Variants in PPARGC1B observed in about 807,000 individuals in gnomAD.
PPARGC1B encodes peroxisome proliferator-activated receptor gamma coactivator 1-beta.
In PPARGC1B, 34 loss-of-function variants were observed where a neutral mutation model predicts 101.6. The observed-to-expected ratio is 0.33, with a 90% confidence interval of 0.25 to 0.45. The LOEUF (loss-of-function observed/expected upper bound fraction) is 0.45, where lower values mean the gene tolerates loss of function less well. Among genes scored for constraint, PPARGC1B ranks in the 20% least tolerant of loss-of-function variants. PPARGC1B has a pLI of 1.00. For missense variants in PPARGC1B, 1,234 were observed against 1,317.6 expected, an observed-to-expected ratio of 0.94 and a Z score of 0.98; for synonymous variants, 548 against 539.3, an observed-to-expected ratio of 1.02 and a Z score of -0.22.
intron 10 of PPARGC1B, among the ~76,000 whole-genome samples, chr5:149,844,113 A>C (rs1419264782): frequency 1.3e-5 from 2 of 152,246 alleles, no homozygotes; most frequent in Non-Finnish European, 2.9e-5. Context: ...GTATGCTTAA[A>C]AATGGCAAAG....
Position 149,832,667 on chromosome 5 carries a change from C to G in PPARGC1B, c.594C>G (p.Thr198=). The change falls in exon 5 of 12, where the codon ACC becomes ACG. Residue 198 remains threonine, a synonymous_variant. Transcript: ENST00000309241. This position sits in a 1 kb window ranked among gnomAD's most constrained non-coding sequence, Gnocchi z 4.9. The part of the protein sequence containing the change: ...SQRPCVKADS[T]QDKKAPMMQS... ...CTCTCCCTCTCTAGGCGGACAGCAC[C>G]CAAGACAAGAAGGCTCCCATGATGC... 6.5e-7 allele frequency: 1 copy of G among 1,542,558 alleles called. No homozygotes were observed.
intron 1 of PPARGC1B, among the ~76,000 whole-genome samples, chr5:149,806,865 G>A (rs371822644): frequency 5.4e-4 from 82 of 151,986 alleles, no homozygotes; most frequent in African/African-American, 1.6e-3. Flanking sequence ...CCCTGGCCTC[G>A]TAAAGTGCTG....
At chr5:149,823,529 C>CT (rs968949985) in intron 2 of PPARGC1B, among the ~76,000 whole-genome samples, 23 of 152,232 alleles carry the variant, frequency 1.5e-4, no homozygotes, top group African/African-American at 5.5e-4. Context: ...CTCAGGAAGA[C>CT]TGGGGGTGGG....
chr5:149,764,046 T>C (rs1218847751), intron 1 of PPARGC1B, among the ~76,000 whole-genome samples: 1 of 152,222 alleles, frequency 6.6e-6, no homozygotes, highest in Non-Finnish European at 1.5e-5. Flanking sequence ...ATGGACTCTC[T>C]TAATGTAAGA....
At chr5:149,732,400 C>G (rs1352494173) in intron 1 of PPARGC1B, among the ~76,000 whole-genome samples, 3 of 152,182 alleles carry the variant, frequency 2.0e-5, no homozygotes, top group Non-Finnish European at 2.9e-5. Flanking sequence ...AAGAACTGTC[C>G]GCTTTGGACT....
At chr5:149,809,313 GATA>G (rs1757736888) in intron 1 of PPARGC1B, among the ~76,000 whole-genome samples, 4 of 98,634 alleles carry the variant, frequency 4.1e-5, no homozygotes, top group African/African-American at 1.7e-4. Flanking sequence ...TAGATAGATA[GATA>G]GATAGATAGA....
chr5:149,736,354 T>G (rs1324729960), intron 1 of PPARGC1B, among the ~76,000 whole-genome samples: 1 of 151,748 alleles, frequency 6.6e-6, no homozygotes, highest in Admixed American at 6.6e-5. Flanking sequence ...GAGCTAATTT[T>G]CATGCATGCA....
At chr5:149,732,956 G>A in intron 1 of PPARGC1B, 1 of 256,048 alleles carries the variant, frequency 3.9e-6, no homozygotes, top group South Asian at 3.3e-5. Context: ...AACTCTCCGA[G>A]CCTCATTTCC....
chr5:149,759,587 A>G (rs1314502102), intron 1 of PPARGC1B, among the ~76,000 whole-genome samples: 1 of 152,214 alleles, frequency 6.6e-6, no homozygotes, highest in Non-Finnish European at 1.5e-5. Context: ...GGACTTGGGC[A>G]GCATACAAAT....
intron 1 of PPARGC1B, among the ~76,000 whole-genome samples, chr5:149,801,887 C>T (rs1239321684): frequency 6.6e-6 from 1 of 152,178 alleles, no homozygotes; most frequent in African/African-American, 2.4e-5. Flanking sequence ...GTAGTAATCT[C>T]ACTGATGGCC....
In PPARGC1B at chr5:149,826,804, G is replaced by C; in HGVS notation, c.384G>C (p.Ser128=). ...ACGCTCTATCATGCACCTCAGCTTC[G>C]CCTGCCCCCTCATCTGCACCCCCCA... The part of the protein sequence containing the change: ...GGDALSCTSA[S]PAPSSAPPSP... Residue 128 remains serine, a synonymous_variant, in exon 3 of 12, where the codon TCG becomes TCC. Transcript: ENST00000309241. The C allele has an allele frequency of 6.2e-7, 1 of 1,613,930 alleles. No individual in the cohort carries two copies. Among genetic ancestry groups the C allele is most frequent in the Non-Finnish European group, 8.5e-7 (1 of 1,179,896 alleles).
chr5:149,744,950 C>T (rs1269790477), intron 1 of PPARGC1B, among the ~76,000 whole-genome samples: 1 of 150,064 alleles, frequency 6.7e-6, no homozygotes, highest in Admixed American at 6.6e-5. Context: ...GCTCTGTTGC[C>T]CAAGCTGGTG....
downstream of PPARGC1B, among the ~76,000 whole-genome samples, chr5:149,856,240 G>T (rs1398414186): frequency 2.0e-5 from 3 of 152,124 alleles, no homozygotes; most frequent in Non-Finnish European, 2.9e-5. Flanking sequence ...CCTTGTTCAG[G>T]TGATTTATTT....
At chr5:149,736,363 C>T (rs1012583374) in intron 1 of PPARGC1B, among the ~76,000 whole-genome samples, 5 of 149,780 alleles carry the variant, frequency 3.3e-5, no homozygotes, top group Non-Finnish European at 7.4e-5. Context: ...TTCATGCATG[C>T]AATCTTTTTT....
chr5:149,744,286 G>C (rs1224559762), intron 1 of PPARGC1B, among the ~76,000 whole-genome samples: 1 of 152,176 alleles, frequency 6.6e-6, no homozygotes, highest in Non-Finnish European at 1.5e-5. Flanking sequence ...GTCAAGCAAG[G>C]CCTCATGATA....
At chr5:149,802,740 G>A (rs535254374) in intron 1 of PPARGC1B, among the ~76,000 whole-genome samples, 1 of 152,012 alleles carries the variant, frequency 6.6e-6, no homozygotes, top group South Asian at 2.1e-4. Context: ...ACATGATAAG[G>A]ATCTGACTCG....
At chr5:149,751,978 A>G (rs751650419) in intron 1 of PPARGC1B, among the ~76,000 whole-genome samples, 1 of 152,172 alleles carries the variant, frequency 6.6e-6, no homozygotes, top group South Asian at 2.1e-4. Context: ...GTGAGAATGC[A>G]TGTATAATGG....
intron 1 of PPARGC1B, among the ~76,000 whole-genome samples, chr5:149,813,565 C>T (rs753919972): frequency 1.4e-4 from 21 of 152,260 alleles, no homozygotes; most frequent in Middle Eastern, 3.4e-3. Context: ...GATGAGTTCA[C>T]GAAGCATTGA....
chr5:149,769,286 T>C (rs1278119277), intron 1 of PPARGC1B, among the ~76,000 whole-genome samples: 1 of 152,208 alleles, frequency 6.6e-6, no homozygotes, highest in Non-Finnish European at 1.5e-5. Flanking sequence ...CCACCACTTA[T>C]CTCCTGTTGT....
Sources: allele counts gnomAD v4.1 joint callset (sites outside exome capture counted in the v4.1 genomes callset), GRCh38; gene constraint gnomAD v4.1.1; non-coding constraint Gnocchi (gnomAD v3.1); transcripts MANE v1.5; gene names NCBI Gene and HGNC (gene_info 2026-07-23, HGNC 2026-07-21).